The following POLR1A variants were observed in gnomAD, a reference collection of about 807,000 sequenced individuals.
POLR1A encodes the protein RNA polymerase I subunit A, also known as DNA-directed RNA polymerase I subunit RPA1.
POLR1A carries 84 observed loss-of-function variants against 205.3 expected under a neutral mutation model. The observed-to-expected ratio is 0.41, with a 90% CI of 0.34 to 0.49. The LOEUF is 0.49. Among genes scored for constraint, POLR1A ranks in the 20% least tolerant of loss-of-function variants. The pLI is 0.22. For synonymous variants in POLR1A, 799 were observed against 863.7 expected (o/e 0.93, Z 1.31); for missense variants, 1,645 against 2,204.5 (o/e 0.75, Z 5.08).
intron 3 of POLR1A, among the ~76,000 whole-genome samples, chr2:86,097,271 G>A (rs1179885634): frequency 1.7e-4 from 22 of 130,766 alleles, no homozygotes; most frequent in Non-Finnish European, 3.2e-5. Flanking sequence ...GTGGAGAAAA[G>A]GGAACTCTTA....
At position 86,077,958 on chromosome 2, in the gene POLR1A, C is replaced by A. The variant is rs1253430734; in HGVS notation, c.1281G>T (p.Leu427=). The A allele has an allele frequency of 1.2e-6, 2 of 1,614,182 alleles. No homozygotes were observed. Among genetic ancestry groups the A allele is most frequent in the Non-Finnish European group, 1.7e-6 (2 of 1,180,038 alleles). ...IRQILEKKEG[L]FRKHMMGKRV... The stretch of plus-strand genomic sequence containing the variant: ...GCTTTCCCATCATGTGTTTTCGGAA[C>A]AGGCCTTCTTTCTTCTCCAGGATCT... The change falls in exon 11 of 34, where the codon CTG becomes CTT. Residue 427 remains leucine (L), a synonymous_variant. Coordinates refer to ENST00000263857, the MANE Select transcript of POLR1A (RefSeq NM_015425.6).
intron 26 of POLR1A, 45 bp from the exon 27 acceptor site, chr2:86,038,902 G>A: frequency 1.3e-6 from 2 of 1,590,324 alleles, no homozygotes; most frequent in Non-Finnish European, 1.7e-6. Flanking sequence ...TCAGGTCCTA[G>A]GTGACTGCGC....
In POLR1A at chr2:86,052,887, G is replaced by A. The variant is rs913592129; in HGVS notation, c.2322C>T (p.Ser774=). 23 of 1,607,386 alleles carry A rather than the reference G, an allele frequency of 1.4e-5. No individual in the cohort carries two copies. Among genetic ancestry groups the A allele is most frequent in the East Asian group, 1.4e-4 (6 of 43,986 alleles). Residue 774 remains serine, a synonymous_variant, in exon 16 of 34, where the codon AGC becomes AGT. Coordinates refer to ENST00000263857, the MANE Select transcript of POLR1A (RefSeq NM_015425.6). ...CCYEIYGGET[S]GKVLTCLARL... ...GGGCCAGGCAGGTTAGAACCTTGCC[G>A]CTGGTCTCGCCTCCATAGATCTCAT...
At chr2:86,084,006 G>T (rs1299892458) in intron 6 of POLR1A, among the ~76,000 whole-genome samples, 2 of 152,010 alleles carry the variant, frequency 1.3e-5, no homozygotes, top group Non-Finnish European at 2.9e-5. Context: ...TGTCTTTCAG[G>T]TTCAAAACTT....
At chr2:86,090,386 C>CAAAAAAAAAAAA (rs56810530) in intron 3 of POLR1A, among the ~76,000 whole-genome samples, 1 of 94,632 alleles carries the variant, frequency 1.1e-5, no homozygotes, top group Non-Finnish European at 2.2e-5. Flanking sequence ...GACACCATCT[C>CAAAAAAAAAAAA]AAAAAAAAAA....
chr2:86,090,386 C>CAAAAAA (rs56810530), intron 3 of POLR1A, among the ~76,000 whole-genome samples: 2 of 94,610 alleles, frequency 2.1e-5, no homozygotes, highest in Non-Finnish European at 4.4e-5. Flanking sequence ...GACACCATCT[C>CAAAAAA]AAAAAAAAAA....
chr2:86,096,031 A>G (rs2104434179), intron 3 of POLR1A, among the ~76,000 whole-genome samples: 1 of 151,984 alleles, frequency 6.6e-6, no homozygotes, highest in Non-Finnish European at 1.5e-5. Flanking sequence ...CCCAGCCGAC[A>G]TAATCTCATA....
chr2:86,029,575 C>CTT (rs1219477203), intron 31 of POLR1A, among the ~76,000 whole-genome samples: 1 of 150,378 alleles, frequency 6.6e-6, no homozygotes, highest in Non-Finnish European at 1.5e-5. Flanking sequence ...CACAACTCTA[C>CTT]TTCGGGAGGG....
rs528582285 is a variant in POLR1A at position 86,033,748 on chromosome 2, A to C, written c.4074T>G (p.Asn1358Lys). ...CGTTCCTGAAAGCTGATGCTTTATT[A>C]TTCTTCTTTTTGATGGATTCCATCA... ...KLLMESIKKK[N>K]NKASAFRNVN... Residue 1358 changes from asparagine (N) to lysine (K), a missense_variant, in exon 28 of 34, where the codon AAT becomes AAG. Physicochemically the swap from Asn to Lys is moderately conservative, Grantham distance 94. Around this residue, in one of 16 missense-constraint regions of POLR1A, gnomAD observed 394 missense variants for 468.5 expected, o/e 0.84. Coordinates refer to ENST00000263857, the MANE Select transcript of POLR1A (RefSeq NM_015425.6). The C allele has an allele frequency of 2.5e-6, 4 of 1,614,064 alleles. No homozygotes were observed. Among genetic ancestry groups the C allele is most frequent in the Middle Eastern group, 1.7e-4 (1 of 5,976 alleles).
intron 9 of POLR1A, among the ~76,000 whole-genome samples, chr2:86,080,114 C>T (rs537721832): frequency 3.3e-4 from 51 of 152,242 alleles, no homozygotes; most frequent in African/African-American, 1.2e-3. Context: ...GCGGGACTGT[C>T]GCAGCGGCTG....
At chr2:86,091,458 T>C (rs568836479) in intron 3 of POLR1A, among the ~76,000 whole-genome samples, 2 of 152,006 alleles carry the variant, frequency 1.3e-5, no homozygotes, top group Non-Finnish European at 2.9e-5. Context: ...ACAGACAAAC[T>C]GTCAAAAATA....
At chr2:86,081,115 G>C in intron 8 of POLR1A, 137 bp from the exon 9 acceptor site, 1 of 775,460 alleles carries the variant, frequency 1.3e-6, no homozygotes, top group Non-Finnish European at 2.0e-6. Flanking sequence ...CAACATTCCG[G>C]CTGGGTGTGG....
intron 1 of POLR1A, among the ~76,000 whole-genome samples, chr2:86,102,741 C>T (rs921628214): frequency 7.2e-5 from 11 of 152,198 alleles, no homozygotes; most frequent in Non-Finnish European, 1.3e-4. Context: ...CCCACCATTA[C>T]AGGAGTGGGA....
rs997991145 is a variant in POLR1A, at chr2:86,021,075, G to C, written c.*6348C>G. ...CTGCTCAATCACATTCTTGAGGTTTGATTGGCTGAACGCACGTGGAACATC... is the reference window on the plus strand; with the variant it reads ...CTGCTCAATCACATTCTTGAGGTTTCATTGGCTGAACGCACGTGGAACATC... On this transcript the variant is annotated 3_prime_UTR_variant, in exon 34 of 34. Coordinates refer to ENST00000263857, the MANE Select transcript of POLR1A (RefSeq NM_015425.6). 3 of 152,256 alleles carry C rather than the reference G, an allele frequency of 2.0e-5. No homozygotes were observed. The highest frequency in any genetic ancestry group is 7.2e-5 in the African/African-American group (3 of 41,468). The allele number at this position is 152,256 out of a possible 1,614,324, so 9.4% of individuals were successfully genotyped here. A position where few individuals can be genotyped will look rare whatever the true frequency, so the allele number is the denominator to read the frequency against.
At chr2:86,067,913 C>T (rs1673109778) in intron 13 of POLR1A, among the ~76,000 whole-genome samples, 1 of 152,254 alleles carries the variant, frequency 6.6e-6, no homozygotes, top group East Asian at 1.9e-4. Context: ...AATCTTCAAG[C>T]CATCTCCCAT....
At chr2:86,058,842 C>T (rs1219093646) in intron 14 of POLR1A, among the ~76,000 whole-genome samples, 1 of 152,060 alleles carries the variant, frequency 6.6e-6, no homozygotes, top group Non-Finnish European at 1.5e-5. Context: ...CTTGGCCAGG[C>T]ATGGTGGATC....
At chr2:86,098,818 G>A (rs1673757259) in intron 2 of POLR1A, 58 bp from the exon 3 acceptor site, 5 of 1,544,874 alleles carry the variant, frequency 3.2e-6, no homozygotes, top group African/African-American at 1.4e-5. Flanking sequence ...TAGCCATGGT[G>A]ATTTTCGGTA....
At chr2:86,054,967 A>T (rs1453933824) in intron 14 of POLR1A, among the ~76,000 whole-genome samples, 5 of 152,222 alleles carry the variant, frequency 3.3e-5, no homozygotes, top group African/African-American at 4.8e-5. Flanking sequence ...AACAGCGCTT[A>T]GTGTGCCTGC....
At chr2:86,072,216 G>A (rs1673191382) in intron 12 of POLR1A, among the ~76,000 whole-genome samples, 1 of 152,176 alleles carries the variant, frequency 6.6e-6, no homozygotes, top group East Asian at 1.9e-4. Flanking sequence ...GCTCCCGAAG[G>A]AATTCAAACC....
Sources: allele counts gnomAD v4.1 joint callset (sites outside exome capture counted in the v4.1 genomes callset), GRCh38; gene constraint gnomAD v4.1.1; regional missense constraint gnomAD v4.1.1; transcripts MANE v1.5; gene names NCBI Gene and HGNC (gene_info 2026-07-23, HGNC 2026-07-21).